The following PRAG1 variants were observed in gnomAD, a reference collection of about 807,000 sequenced individuals.
PRAG1 encodes inactive tyrosine-protein kinase PRAG1.
Under a neutral mutation model 95.6 loss-of-function variants are expected in PRAG1, and 110 were observed. The ratio of observed to expected loss-of-function variants is 1.15; its 90% CI spans 0.99 to 1.35. The LOEUF is 1.35. PRAG1 is among the 40% of genes most tolerant of loss of function. The pLI, the probability that PRAG1 is intolerant of heterozygous loss-of-function variation, is 0.00. For synonymous variants in PRAG1, 1,052 were observed against 819.4 expected (o/e 1.28, Z -4.85); for missense variants, 2,554 against 1,864.7 (o/e 1.37, Z -6.81).
intron 3 of PRAG1, among the ~76,000 whole-genome samples, chr8:8,343,714 T>A (rs930217463): frequency 1.3e-5 from 2 of 152,192 alleles, no homozygotes; most frequent in Non-Finnish European, 2.9e-5. Flanking sequence ...AGGGTTCTGT[T>A]GCAACTACAG....
intron 4 of PRAG1, among the ~76,000 whole-genome samples, chr8:8,333,345 G>A (rs1030150388): frequency 3.3e-5 from 5 of 152,126 alleles, no homozygotes; most frequent in African/African-American, 7.2e-5. Flanking sequence ...AGTACAACAC[G>A]CTCCATGCCT....
At chr8:8,341,872 C>G (rs1034308402) in intron 3 of PRAG1, among the ~76,000 whole-genome samples, 1 of 152,182 alleles carries the variant, frequency 6.6e-6, no homozygotes, top group Non-Finnish European at 1.5e-5. Context: ...GTGGCTCCCT[C>G]CTGTAATCCC....
intron 3 of PRAG1, among the ~76,000 whole-genome samples, chr8:8,371,912 A>T (rs1005100525): frequency 6.6e-6 from 1 of 152,068 alleles, no homozygotes; most frequent in African/African-American, 2.4e-5. Context: ...TTCTTGGGGA[A>T]ATTTTTCTTT....
At chr8:8,328,500 T>G (rs1210031953) in intron 4 of PRAG1, 39 bp from the exon 5 acceptor site, 5 of 1,600,908 alleles carry the variant, frequency 3.1e-6, no homozygotes, top group Non-Finnish European at 4.3e-6. Flanking sequence ...CCAAGGCCAG[T>G]GCCACTCAAT....
At position 8,350,158 on chromosome 8, in the gene PRAG1, G is replaced by A. The variant is rs565716788; in HGVS notation, c.2163-10523C>T. Among the ~76,000 whole-genome samples the A allele has an allele frequency of 3.2e-4, 49 of 152,202 alleles. 1 individual carries two copies. The South Asian group carries it at 9.7e-3, about 30-fold the overall frequency. On this transcript the variant is annotated intron_variant, in intron 3 of 5. Coordinates refer to ENST00000615670, the MANE Select transcript of PRAG1 (RefSeq NM_001080826.3). Reference sequence around the variant, plus strand: ...CAGAAAAGCAAGTCTTTTATTTGTGGCCCCAGCCTACACAGTTGTGGACTT... The same window carrying A: ...CAGAAAAGCAAGTCTTTTATTTGTGACCCCAGCCTACACAGTTGTGGACTT...
rs536354485 is a variant in PRAG1 at position 8,345,437 on chromosome 8, T to C, written c.2163-5802A>G. Among the ~76,000 whole-genome samples, 7 of 151,360 alleles carry C rather than the reference T, an allele frequency of 4.6e-5. No homozygotes were observed. In the East Asian group the frequency reaches 1.2e-3, roughly 25 times the overall value. ...ATCAGTAGGCATTTGGAATGCTCAGTTGTAAATGGGGATATAACAGGTCTT... is the reference window on the plus strand; with the variant it reads ...ATCAGTAGGCATTTGGAATGCTCAGCTGTAAATGGGGATATAACAGGTCTT... On this transcript the variant is annotated intron_variant, in intron 3 of 5. Coordinates refer to ENST00000615670, the MANE Select transcript of PRAG1 (RefSeq NM_001080826.3).
At chr8:8,355,399 A>T (rs1295302665) in intron 3 of PRAG1, among the ~76,000 whole-genome samples, 1 of 152,178 alleles carries the variant, frequency 6.6e-6, no homozygotes, top group African/African-American at 2.4e-5. Context: ...TGTTCACAGA[A>T]ATAGAAAAAA....
intron 5 of PRAG1, among the ~76,000 whole-genome samples, chr8:8,326,575 G>A (rs938341446): frequency 8.5e-5 from 13 of 152,160 alleles, no homozygotes; most frequent in Admixed American, 1.3e-4. Context: ...GACTCCAGTG[G>A]CCCAAATGGG....
intron 3 of PRAG1, 26 bp from the exon 4 acceptor site, chr8:8,339,661 C>T: frequency 6.3e-7 from 1 of 1,590,646 alleles, no homozygotes; most frequent in Non-Finnish European, 8.6e-7. Flanking sequence ...ACAAACAATA[C>T]AAATAACTCA....
At chr8:8,382,870 G>T (rs1200965482) in intron 1 of PRAG1, among the ~76,000 whole-genome samples, 2 of 152,152 alleles carry the variant, frequency 1.3e-5, no homozygotes, top group Non-Finnish European at 2.9e-5. Context: ...GGGAGAGTTT[G>T]CCCATTCTAG....
At chr8:8,383,728 T>C (rs1800758973) in intron 1 of PRAG1, among the ~76,000 whole-genome samples, 1 of 152,190 alleles carries the variant, frequency 6.6e-6, no homozygotes, top group Non-Finnish European at 1.5e-5. Flanking sequence ...TAGGTTCTTC[T>C]CCTCCTCCAA....
At chr8:8,349,600 C>T (rs571284110) in intron 3 of PRAG1, among the ~76,000 whole-genome samples, 40 of 152,098 alleles carry the variant, frequency 2.6e-4, no homozygotes, top group Middle Eastern at 3.4e-3. Flanking sequence ...TTATTTTTAT[C>T]GTTGGAGCTT....
intron 4 of PRAG1, 58 bp downstream of exon 4, chr8:8,339,420 G>A: frequency 6.3e-7 from 1 of 1,579,434 alleles, no homozygotes; most frequent in Non-Finnish European, 8.7e-7. Flanking sequence ...AGCAACGCAG[G>A]ACTGGTCTTG....
At chr8:8,356,196 A>C (rs1799675989) in intron 3 of PRAG1, among the ~76,000 whole-genome samples, 1 of 152,248 alleles carries the variant, frequency 6.6e-6, no homozygotes, top group Non-Finnish European at 1.5e-5. Context: ...AATCAGGGAA[A>C]TGCAAATTTA....
At chr8:8,351,008 GTC>G in intron 3 of PRAG1, among the ~76,000 whole-genome samples, 2 of 152,286 alleles carry the variant, frequency 1.3e-5, no homozygotes, top group African/African-American at 4.8e-5. Flanking sequence ...GACTTCTGCA[GTC>G]TCCAGTATAC....
At chr8:8,363,106 T>C (rs530353023) in intron 3 of PRAG1, among the ~76,000 whole-genome samples, 3 of 148,808 alleles carry the variant, frequency 2.0e-5, no homozygotes, top group African/African-American at 7.3e-5. Flanking sequence ...TATATATATA[T>C]ACTTATATAT....
intron 3 of PRAG1, among the ~76,000 whole-genome samples, chr8:8,367,321 G>T (rs1331307171): frequency 2.0e-5 from 3 of 151,638 alleles, no homozygotes; most frequent in Non-Finnish European, 2.9e-5. Flanking sequence ...AGCCAGGCAT[G>T]GTGGCAGGCG....
chr8:8,328,000 G>C lies in PRAG1; in HGVS notation c.2782C>G (p.Gln928Glu), dbSNP rs1009736857. The change falls in exon 5 of 6, where the codon CAA becomes GAA. Residue 928 changes from glutamine (Q) to glutamate (E), a missense_variant. By Grantham distance (29) the Gln-to-Glu change is conservative. Coordinates refer to ENST00000615670, the MANE Select transcript of PRAG1 (RefSeq NM_001080826.3). ...ASSSQLSVSS[Q>E]ASTGSTQLQL... ...AGCTGGGTGCTCCCGGTGGAGGCTTGACTGGACACGCTCAGCTGGGAGGAT... is the reference window on the plus strand; with the variant it reads ...AGCTGGGTGCTCCCGGTGGAGGCTTCACTGGACACGCTCAGCTGGGAGGAT... 8 of 1,591,512 alleles carry C rather than the reference G, an allele frequency of 5.0e-6. No homozygotes were observed. Among genetic ancestry groups the C allele is most frequent in the Admixed American group, 1.7e-5 (1 of 58,472 alleles).
chr8:8,318,196 G>C lies in PRAG1; in HGVS notation c.4179C>G (p.Pro1393=), dbSNP rs773408888. The change falls in exon 6 of 6, where the codon CCC becomes CCG. Residue 1393 remains proline (P), a synonymous_variant. Transcript: ENST00000615670. This position sits in a 1 kb window ranked among gnomAD's most constrained non-coding sequence, Gnocchi z 4.2. ...LCCQYLASAE[P]GALLQSLKLL... is the part of the protein sequence containing the mutation. Reference sequence around the variant, plus strand: ...GCTTCAGCGACTGTAAGAGGGCCCCGGGCTCCGCAGACGCCAGGTACTGGC... The same window carrying C: ...GCTTCAGCGACTGTAAGAGGGCCCCCGGCTCCGCAGACGCCAGGTACTGGC... 2.9e-5 allele frequency: 46 copies of C among 1,613,904 alleles called. No individual in the cohort carries two copies. Among genetic ancestry groups the C allele is most frequent in the Non-Finnish European group, 3.7e-5 (44 of 1,180,008 alleles).
Sources: gnomAD v4.1 joint callset for allele counts (sites outside exome capture counted in the v4.1 genomes callset) on GRCh38, gnomAD v4.1.1 for gene constraint, Gnocchi (gnomAD v3.1) non-coding constraint, MANE v1.5 for transcripts, NCBI Gene and HGNC (gene_info 2026-07-23, HGNC 2026-07-21) for gene names.